The following SDK1 variants were observed in gnomAD, a reference collection of about 807,000 sequenced individuals.
SDK1 encodes the protein sidekick cell adhesion molecule 1.
In SDK1, 157 loss-of-function variants were observed where a neutral mutation model predicts 245.5. The observed-to-expected ratio is 0.64, with a 90% CI of 0.56 to 0.73. SDK1 has a LOEUF of 0.73. Among genes scored for constraint, SDK1 ranks in the 30% least tolerant of loss-of-function variants. The pLI is 0.00. For synonymous variants in SDK1, 1,647 were observed against 1,278.5 expected (o/e 1.29, Z -6.15); for missense variants, 3,583 against 3,002.3 (o/e 1.19, Z -4.52).
intron 5 of SDK1, among the ~76,000 whole-genome samples, chr7:3,903,688 T>A (rs1781868714): frequency 6.6e-6 from 1 of 152,138 alleles, no homozygotes; most frequent in African/African-American, 2.4e-5. Flanking sequence ...TTTTTAGCAC[T>A]CATGAAATAC....
At chr7:3,550,662 A>T (rs572427318) in intron 1 of SDK1, among the ~76,000 whole-genome samples, 19 of 152,328 alleles carry the variant, frequency 1.2e-4, no homozygotes, top group African/African-American at 4.6e-4. Context: ...CATTTGACAG[A>T]TGTGTTCAGA....
At chr7:4,195,300 G>T (rs1325173691) in intron 35 of SDK1, among the ~76,000 whole-genome samples, 2 of 152,206 alleles carry the variant, frequency 1.3e-5, no homozygotes, top group African/African-American at 4.8e-5. Context: ...GCAGAGTCCA[G>T]TGGGTGCTCG....
At position 3,745,535 on chromosome 7, in the gene SDK1, CAT is replaced by C. The variant is rs1015281352; in HGVS notation, c.714-75914_714-75913del. Among the ~76,000 whole-genome samples, 7 of 131,848 alleles carry C rather than the reference CAT, an allele frequency of 5.3e-5. No homozygotes were observed. In the East Asian group the frequency reaches 6.0e-4, roughly 11 times the overall value. 86.5% of individuals were successfully genotyped at this position (131,848 alleles called of 152,430 possible). On this transcript the variant is annotated intron_variant, in intron 4 of 44. Transcript: ENST00000404826. ...ACTGGTTTCAGTATGCCCTCATTTG[CAT>C]GTGTGTGTGTGTGTGTAAATAATTC...
chr7:3,775,744 T>C (rs535068790), intron 4 of SDK1, among the ~76,000 whole-genome samples: 1 of 151,858 alleles, frequency 6.6e-6, no homozygotes, highest in Admixed American at 6.6e-5. Context: ...ACCCGGCTAA[T>C]TTTTTGTATT....
At chr7:3,536,361 C>T (rs549113543) in intron 1 of SDK1, among the ~76,000 whole-genome samples, 80 of 152,092 alleles carry the variant, frequency 5.3e-4, no homozygotes, top group African/African-American at 1.8e-3. Context: ...CTGCTGCACC[C>T]GGCCACTAGC....
At chr7:3,640,524 T>C (rs1023462346) in intron 3 of SDK1, among the ~76,000 whole-genome samples, 1 of 152,246 alleles carries the variant, frequency 6.6e-6, no homozygotes, top group African/African-American at 2.4e-5. Context: ...TGAGAACTTT[T>C]ATTCAATTGA....
intron 1 of SDK1, among the ~76,000 whole-genome samples, chr7:3,602,590 G>A (rs1416262952): frequency 3.3e-5 from 5 of 151,718 alleles, no homozygotes; most frequent in Non-Finnish European, 7.4e-5. Flanking sequence ...TTTGTTAGAT[G>A]AGTAGGTTGC....
intron 5 of SDK1, among the ~76,000 whole-genome samples, chr7:3,924,136 AG>A (rs2128114307): frequency 6.6e-6 from 1 of 151,942 alleles, no homozygotes; most frequent in East Asian, 1.9e-4. Flanking sequence ...TACAGAGTAA[AG>A]GGGACGCTGT....
intron 35 of SDK1, among the ~76,000 whole-genome samples, chr7:4,189,481 C>G (rs1227406571): frequency 6.6e-6 from 1 of 152,230 alleles, no homozygotes; most frequent in Non-Finnish European, 1.5e-5. Context: ...AGCCGAGTGT[C>G]CAGCACTGTG....
At chr7:3,722,530 C>T (rs1423010170) in intron 4 of SDK1, among the ~76,000 whole-genome samples, 1 of 152,168 alleles carries the variant, frequency 6.6e-6, no homozygotes, top group Non-Finnish European at 1.5e-5. Flanking sequence ...CCTCTTCAAT[C>T]CTGTATCTAT....
intron 4 of SDK1, among the ~76,000 whole-genome samples, chr7:3,645,913 C>A (rs997722738): frequency 6.6e-6 from 1 of 151,860 alleles, no homozygotes; most frequent in Non-Finnish European, 1.5e-5. Flanking sequence ...GGCTGGAGTG[C>A]AGTGGCCCAA....
intron 35 of SDK1, among the ~76,000 whole-genome samples, chr7:4,195,714 G>A (rs1236484483): frequency 6.6e-6 from 1 of 152,132 alleles, no homozygotes; most frequent in Non-Finnish European, 1.5e-5. Flanking sequence ...CCTCCCTGGG[G>A]CTCAATCTCC....
chr7:3,677,058 C>T (rs934363471), intron 4 of SDK1, among the ~76,000 whole-genome samples: 1 of 152,172 alleles, frequency 6.6e-6, no homozygotes, highest in Non-Finnish European at 1.5e-5. Flanking sequence ...TTTCTTATGA[C>T]TTCTTCAAGA....
At chr7:3,796,936 T>A (rs1455514736) in intron 4 of SDK1, among the ~76,000 whole-genome samples, 1 of 152,180 alleles carries the variant, frequency 6.6e-6, no homozygotes, top group Non-Finnish European at 1.5e-5. Flanking sequence ...AACTAAGTTT[T>A]ATTTTAGATA....
intron 5 of SDK1, among the ~76,000 whole-genome samples, chr7:3,823,900 G>C (rs1779705715): frequency 6.6e-6 from 1 of 151,768 alleles, no homozygotes; most frequent in South Asian, 2.1e-4. Context: ...GTGACATACG[G>C]GATTTACGTA....
intron 1 of SDK1, among the ~76,000 whole-genome samples, chr7:3,582,086 T>TAGGCCTGTCTCAGGTAGGTCTCCCTC (rs1780516698): frequency 6.9e-6 from 1 of 145,234 alleles, no homozygotes; most frequent in African/African-American, 2.5e-5. Flanking sequence ...CTCCCTCAGG[T>TAGGCCTGTCTCAGGTAGGTCTCCCTC]AGGCCTGTCT....
chr7:3,429,394 T>G (rs1402749228), intron 1 of SDK1, among the ~76,000 whole-genome samples: 2 of 152,134 alleles, frequency 1.3e-5, no homozygotes, highest in Non-Finnish European at 2.9e-5. Context: ...AGAGTTGGGT[T>G]TTTTGTTGTT....
chr7:4,142,878 G>A (rs1779670534), intron 28 of SDK1, among the ~76,000 whole-genome samples: 2 of 152,242 alleles, frequency 1.3e-5, no homozygotes, highest in African/African-American at 4.8e-5. Context: ...CTTAAGCCTA[G>A]AAGGTCTCCA....
chr7:4,073,880 G>C (rs934124577), intron 20 of SDK1, among the ~76,000 whole-genome samples: 1 of 152,178 alleles, frequency 6.6e-6, no homozygotes, highest in Non-Finnish European at 1.5e-5. Flanking sequence ...TGGTGGGCAG[G>C]CACACTCAGC....
Sources: gnomAD v4.1 joint callset for allele counts (sites outside exome capture counted in the v4.1 genomes callset) on GRCh38, gnomAD v4.1.1 for gene constraint, MANE v1.5 for transcripts, NCBI Gene and HGNC (gene_info 2026-07-23, HGNC 2026-07-21) for gene names.